The following KSR2 variants were observed in gnomAD, a reference collection of about 807,000 sequenced individuals.
KSR2 encodes the protein kinase suppressor of ras 2.
Under a neutral mutation model 107.8 loss-of-function variants are expected in KSR2, and 25 were observed. That is an observed-to-expected ratio of 0.23 (90% CI 0.17 to 0.32). The LOEUF (loss-of-function observed/expected upper bound fraction) is 0.32. Ranked by LOEUF, KSR2 falls within the 10% of genes least tolerant of loss-of-function variation. The pLI, the probability that KSR2 is intolerant of heterozygous loss-of-function variation, is 1.00. For missense variants in KSR2, 887 were observed against 1,268.9 expected (o/e 0.70, Z 4.57); for synonymous variants, 480 against 507.0 (o/e 0.95, Z 0.71).
rs80131249 is a variant in KSR2 at position 117,579,658 on chromosome 12, G to A, written c.1242-456C>T. ...ACAAAGCAAGGTGGAGCCTCCTGGGGGACCAGCTGAACCATCTCCCATCAC... is the reference window on the plus strand; with the variant it reads ...ACAAAGCAAGGTGGAGCCTCCTGGGAGACCAGCTGAACCATCTCCCATCAC... On this transcript the variant is annotated intron_variant, in intron 6 of 19. Transcript: ENST00000339824. 1.3e-3 allele frequency among the ~76,000 whole-genome samples: 195 copies of A among 152,242 alleles called. 5 individuals carry two copies. In the East Asian group the frequency reaches 0.034, roughly 26 times the overall value.
chr12:117,476,413 G>C, intron 17 of KSR2, 51 bp downstream of exon 17: 2 of 1,509,694 alleles, frequency 1.3e-6, no homozygotes, highest in Non-Finnish European at 1.8e-6. Flanking sequence ...CTTGAGAAGT[G>C]CCCCTCTGCC....
At chr12:117,894,763 C>T (rs1450343922) in intron 1 of KSR2, among the ~76,000 whole-genome samples, 1 of 145,404 alleles carries the variant, frequency 6.9e-6, no homozygotes, top group African/African-American at 2.5e-5. Context: ...CCCTCTCTCA[C>T]TCTGGCCACG....
intron 9 of KSR2, among the ~76,000 whole-genome samples, chr12:117,554,557 C>A (rs1026603327): frequency 6.6e-6 from 1 of 152,130 alleles, no homozygotes; most frequent in Non-Finnish European, 1.5e-5. Context: ...GGGAGGGGCC[C>A]AGTGGGAGGT....
At chr12:117,932,709 G>A (rs1437720060) in intron 1 of KSR2, among the ~76,000 whole-genome samples, 1 of 152,050 alleles carries the variant, frequency 6.6e-6, no homozygotes, top group Non-Finnish European at 1.5e-5. Context: ...GTGACAGAGT[G>A]AGATCCTGTC....
intron 4 of KSR2, among the ~76,000 whole-genome samples, chr12:117,685,445 GA>G (rs1394145083): frequency 6.6e-6 from 1 of 152,190 alleles, no homozygotes; most frequent in Non-Finnish European, 1.5e-5. Flanking sequence ...CTTGCCTGAA[GA>G]AAAGACAATT....
At chr12:117,916,749 CCAAAGA>C (rs1895187454) in intron 1 of KSR2, among the ~76,000 whole-genome samples, 1 of 152,140 alleles carries the variant, frequency 6.6e-6, no homozygotes, top group Admixed American at 6.6e-5. Context: ...CTGAGGCTCA[CCAAAGA>C]CAAAATAATG....
intron 5 of KSR2, among the ~76,000 whole-genome samples, chr12:117,611,856 G>A (rs1881621256): frequency 6.6e-6 from 1 of 152,144 alleles, no homozygotes; most frequent in South Asian, 2.1e-4. Flanking sequence ...AACGAAATAA[G>A]CCAGTCACAA....
chr12:117,674,507 C>T (rs1473631163), intron 4 of KSR2: 1 of 431,630 alleles, frequency 2.3e-6, no homozygotes, highest in Non-Finnish European at 4.7e-6. Context: ...TAGTCACTCC[C>T]ATTTCCCCTT....
intron 5 of KSR2, among the ~76,000 whole-genome samples, chr12:117,660,431 C>T (rs1430074092): frequency 6.6e-6 from 1 of 152,144 alleles, no homozygotes; most frequent in East Asian, 1.9e-4. Flanking sequence ...TGTTCCTTGG[C>T]TTGTAGACTC....
intron 5 of KSR2, among the ~76,000 whole-genome samples, chr12:117,583,919 G>T (rs550487946): frequency 4.6e-5 from 7 of 152,334 alleles, no homozygotes; most frequent in Middle Eastern, 3.4e-3. Flanking sequence ...CACAGCAATT[G>T]TTATGGAGTG....
intron 5 of KSR2, among the ~76,000 whole-genome samples, chr12:117,608,729 A>T (rs1881424804): frequency 6.6e-6 from 1 of 152,146 alleles, no homozygotes; most frequent in Non-Finnish European, 1.5e-5. Context: ...ATAATTTTTA[A>T]TTTTTTCCTT....
At chr12:117,846,948 A>T (rs74659723) in intron 3 of KSR2, among the ~76,000 whole-genome samples, 2,075 of 152,308 alleles carry the variant, frequency 0.014, 48 homozygotes, top group East Asian at 0.1. Flanking sequence ...GGGAGTTCCA[A>T]CCGTGTTTAC....
chr12:117,635,793 A>T (rs1321847522), intron 5 of KSR2, among the ~76,000 whole-genome samples: 10 of 133,428 alleles, frequency 7.5e-5, no homozygotes, highest in Non-Finnish European at 9.8e-5. Flanking sequence ...TTGGTATGTT[A>T]CTTTTTTTTT....
At chr12:117,527,621 G>A (rs12579847) in intron 12 of KSR2, among the ~76,000 whole-genome samples, 36,856 of 152,044 alleles carry the variant, frequency 0.24, 5,556 homozygotes, top group East Asian at 0.38. Flanking sequence ...GCATTCATGC[G>A]ACTATTTAAT....
intron 5 of KSR2, among the ~76,000 whole-genome samples, chr12:117,637,977 T>G (rs1043450169): frequency 6.6e-6 from 1 of 152,094 alleles, no homozygotes; most frequent in African/African-American, 2.4e-5. Flanking sequence ...AACAGAGGAA[T>G]GCTTACATTA....
chr12:117,486,327 C>T (rs1468883594), intron 14 of KSR2, among the ~76,000 whole-genome samples: 1 of 152,192 alleles, frequency 6.6e-6, no homozygotes, highest in Admixed American at 6.5e-5. Flanking sequence ...ACATTATGCA[C>T]TGAAAGTAAC....
At chr12:117,927,597 C>T (rs543149676) in intron 1 of KSR2, among the ~76,000 whole-genome samples, 1 of 150,338 alleles carries the variant, frequency 6.7e-6, no homozygotes, top group Non-Finnish European at 1.5e-5. Context: ...GGAGAGTGAG[C>T]CAGAAGAATC....
intron 4 of KSR2, among the ~76,000 whole-genome samples, chr12:117,741,503 C>T (rs367589198): frequency 1.3e-3 from 194 of 152,210 alleles, no homozygotes; most frequent in African/African-American, 4.2e-3. Context: ...CCAGCCTAGG[C>T]GACAGAGCAA....
At chr12:117,785,211 T>C (rs1253981500) in intron 3 of KSR2, among the ~76,000 whole-genome samples, 1 of 152,014 alleles carries the variant, frequency 6.6e-6, no homozygotes, top group Non-Finnish European at 1.5e-5. Context: ...GGTCAGGAGT[T>C]TGAGACCAGC....
Sources: gnomAD v4.1 joint callset for allele counts (sites outside exome capture counted in the v4.1 genomes callset) on GRCh38, gnomAD v4.1.1 for gene constraint, MANE v1.5 for transcripts, NCBI Gene and HGNC (gene_info 2026-07-23, HGNC 2026-07-21) for gene names.